PTPRK: variants seen among roughly 807,000 people sequenced by gnomAD.
The protein encoded by PTPRK is receptor-type tyrosine-protein phosphatase kappa.
Under a neutral mutation model 178.0 loss-of-function variants are expected in PTPRK, and 75 were observed. The ratio of observed to expected loss-of-function variants is 0.42; its 90% CI spans 0.35 to 0.51. The LOEUF is 0.51. PTPRK is among the 20% of genes least tolerant of loss of function. The probability of loss-of-function intolerance (pLI) is 0.02; values close to 1 mark genes in which losing one functional copy is unlikely to be tolerated. For missense variants in PTPRK, 1,441 were observed against 1,797.8 expected, an observed-to-expected ratio of 0.80 and a Z score of 3.59; for synonymous variants, 637 against 620.6, an observed-to-expected ratio of 1.03 and a Z score of -0.39.
chr6:128,279,410 T>C (rs1821328504), intron 3 of PTPRK, among the ~76,000 whole-genome samples: 1 of 152,134 alleles, frequency 6.6e-6, no homozygotes, highest in Admixed American at 6.6e-5. Context: ...ATTAGATACC[T>C]TTAATTAAAA....
At chr6:128,025,844 T>C (rs906419603) in intron 13 of PTPRK, among the ~76,000 whole-genome samples, 1 of 152,204 alleles carries the variant, frequency 6.6e-6, no homozygotes, top group African/African-American at 2.4e-5. Context: ...CTTATAAGAA[T>C]ACATGTAACT....
intron 1 of PTPRK, among the ~76,000 whole-genome samples, chr6:128,517,408 T>C (rs1389353251): frequency 6.6e-6 from 1 of 152,214 alleles, no homozygotes; most frequent in East Asian, 1.9e-4. Flanking sequence ...TCTTACATTA[T>C]ATCAAGAGAT....
At chr6:128,422,676 CAAA>C (rs750423577) in intron 1 of PTPRK, among the ~76,000 whole-genome samples, 437 of 14,576 alleles carry the variant, frequency 0.03, 4 homozygotes, top group South Asian at 0.092. Flanking sequence ...TTCACGGACG[CAAA>C]AAAAAAAAAA....
intron 3 of PTPRK, among the ~76,000 whole-genome samples, chr6:128,297,748 C>T (rs376046548): frequency 3.3e-5 from 5 of 152,112 alleles, no homozygotes; most frequent in Non-Finnish European, 7.4e-5. Context: ...AAATTTATAG[C>T]ACTAAATGCC....
intron 3 of PTPRK, among the ~76,000 whole-genome samples, chr6:128,296,735 G>T (rs1824483348): frequency 6.6e-6 from 1 of 152,118 alleles, no homozygotes; most frequent in Non-Finnish European, 1.5e-5. Flanking sequence ...CCCTAAACAT[G>T]GAAAGGAACA....
At chr6:128,306,667 T>C (rs1436130603) in intron 3 of PTPRK, among the ~76,000 whole-genome samples, 6 of 151,916 alleles carry the variant, frequency 3.9e-5, no homozygotes, top group African/African-American at 1.5e-4. Context: ...TGTGGTGGCA[T>C]GTGCCTGTAG....
rs913300266 is a variant in PTPRK, at chr6:128,520,351, G to A, written c.8C>T (p.Thr3Met). 6.2e-7 allele frequency: 1 copy of A among 1,607,078 alleles called. No homozygotes were observed. Among genetic ancestry groups the A allele is most frequent in the Admixed American group, 1.7e-5 (1 of 59,284 alleles). Residue 3 changes from threonine to methionine, a missense_variant, in exon 1 of 30, where the codon ACG becomes ATG. Thr to Met is a moderately conservative substitution (Grantham distance 81, BLOSUM62 -1). This residue lies in a region of PTPRK where 158 missense variants were observed against 188.0 expected (regional missense o/e 0.84). Transcript: ENST00000368226. MD[T>M]TAAAALPAFV... ...AGCAGGCAGCGCCGCCGCCGCAGTC[G>A]TATCCATGCCGAGTTTGGGAGAAGT...
chr6:128,217,738 C>T (rs552168931), intron 6 of PTPRK, among the ~76,000 whole-genome samples: 2 of 152,078 alleles, frequency 1.3e-5, no homozygotes, highest in African/African-American at 4.8e-5. Flanking sequence ...TTTCTCTTGC[C>T]CCTGACTCTA....
At chr6:128,233,463 T>C (rs1291546800) in intron 5 of PTPRK, among the ~76,000 whole-genome samples, 1 of 152,220 alleles carries the variant, frequency 6.6e-6, no homozygotes, top group Non-Finnish European at 1.5e-5. Flanking sequence ...TGAGAACGGT[T>C]GGTACAGTAG....
At chr6:128,166,006 T>C (rs1418216865) in intron 7 of PTPRK, among the ~76,000 whole-genome samples, 1 of 151,682 alleles carries the variant, frequency 6.6e-6, no homozygotes. Context: ...CTTCTAGATA[T>C]ATGTAAGGAT....
At chr6:128,109,815 T>C (rs1433221772) in intron 7 of PTPRK, among the ~76,000 whole-genome samples, 1 of 152,094 alleles carries the variant, frequency 6.6e-6, no homozygotes, top group Admixed American at 6.6e-5. Context: ...ATATAATTGA[T>C]AATTTTATTC....
intron 3 of PTPRK, among the ~76,000 whole-genome samples, chr6:128,256,503 C>T (rs961576383): frequency 6.7e-6 from 1 of 149,182 alleles, no homozygotes; most frequent in Non-Finnish European, 1.5e-5. Context: ...AGTGCAGTGG[C>T]GATCTTGGCT....
intron 1 of PTPRK, among the ~76,000 whole-genome samples, chr6:128,431,733 G>A (rs1056366857): frequency 1.3e-5 from 2 of 152,022 alleles, no homozygotes; most frequent in African/African-American, 4.8e-5. Context: ...TCCTTTAAGC[G>A]CATCCAACGC....
At chr6:128,264,378 T>C (rs528126404) in intron 3 of PTPRK, among the ~76,000 whole-genome samples, 26 of 152,304 alleles carry the variant, frequency 1.7e-4, no homozygotes, top group South Asian at 6.2e-4. Flanking sequence ...CCATCATATA[T>C]TTACAGCAAA....
chr6:128,454,368 A>T (rs1024051164), intron 1 of PTPRK, among the ~76,000 whole-genome samples: 1 of 152,234 alleles, frequency 6.6e-6, no homozygotes, highest in Non-Finnish European at 1.5e-5. Flanking sequence ...AGAGTTATCT[A>T]AATAGCAAAG....
chr6:128,268,475 A>C (rs894645772), intron 3 of PTPRK, among the ~76,000 whole-genome samples: 1 of 152,034 alleles, frequency 6.6e-6, no homozygotes, highest in African/African-American at 2.4e-5. Flanking sequence ...GAGCTATTAG[A>C]AATGCTTATG....
intron 6 of PTPRK, among the ~76,000 whole-genome samples, chr6:128,186,059 G>T (rs1280328562): frequency 1.3e-5 from 2 of 152,020 alleles, no homozygotes; most frequent in Admixed American, 1.3e-4. Context: ...CAGCTACACA[G>T]GCTAAAGTAA....
chr6:128,520,325 A>T lies in PTPRK; in HGVS notation c.34T>A (p.Phe12Ile). The T allele has an allele frequency of 2.5e-6, 4 of 1,610,314 alleles. No individual in the cohort carries two copies. The highest frequency in any genetic ancestry group is 3.4e-6 in the Non-Finnish European group (4 of 1,178,352). The change falls in exon 1 of 30, where the codon TTT (phenylalanine) becomes ATT (isoleucine). Residue 12 changes from phenylalanine (F) to isoleucine (I), a missense_variant. Physicochemically the swap from Phe to Ile is conservative, Grantham distance 21. Around this residue, in one of 4 missense-constraint regions of PTPRK, gnomAD observed 158 missense variants for 188.0 expected, o/e 0.84. Transcript: ENST00000368226. ...DTTAAAALPA[F>I]VALLLLSPWP... Reference sequence around the variant, plus strand: ...GGAGAGAGGAGCAAGAGCGCCACAAAAGCAGGCAGCGCCGCCGCCGCAGTC... The same window carrying T: ...GGAGAGAGGAGCAAGAGCGCCACAATAGCAGGCAGCGCCGCCGCCGCAGTC...
intron 1 of PTPRK, among the ~76,000 whole-genome samples, chr6:128,409,812 T>A (rs765010785): frequency 3.3e-5 from 5 of 152,156 alleles, no homozygotes; most frequent in Non-Finnish European, 7.3e-5. Context: ...CCATTCCACA[T>A]AAGATGTGAC....
Sources: gnomAD v4.1 joint callset for allele counts (sites outside exome capture counted in the v4.1 genomes callset) on GRCh38, gnomAD v4.1.1 for gene constraint, gnomAD v4.1.1 regional missense constraint, MANE v1.5 for transcripts, NCBI Gene and HGNC (gene_info 2026-07-23, HGNC 2026-07-21) for gene names.